SEMA5B: variants seen among roughly 807,000 people sequenced by gnomAD.
SEMA5B encodes semaphorin 5B, also known as semaphorin-5B.
SEMA5B carries 66 observed loss-of-function variants against 135.0 expected under a neutral mutation model. The observed-to-expected ratio is 0.49, with a 90% CI of 0.40 to 0.60. The LOEUF (loss-of-function observed/expected upper bound fraction) is 0.60, where lower values mean the gene tolerates loss of function less well. SEMA5B is among the 20% of genes least tolerant of loss of function. The probability of loss-of-function intolerance (pLI) is 0.00; values close to 1 mark genes in which losing one functional copy is unlikely to be tolerated. For synonymous variants in SEMA5B, 690 were observed against 639.5 expected (o/e 1.08, Z -1.19); for missense variants, 1,501 against 1,566.3 (o/e 0.96, Z 0.70).
chr3:122,961,169 A>G lies in SEMA5B; in HGVS notation c.95T>C (p.Val32Ala), dbSNP rs200917583. ...PAQQLRCGWT[V>A]GGWLLSLVRG... The stretch of plus-strand genomic sequence containing the variant: ...GACCAGTGAGAGAAGCCAGCCCCCT[A>G]CTGTCCATCCACACCTTAGCTGTTG... The change falls in exon 2 of 23, where the codon GTA (valine) becomes GCA (alanine). Residue 32 changes from valine to alanine, a missense_variant. Physicochemically the swap from Val to Ala is moderately conservative, Grantham distance 64. Transcript: ENST00000357599. 5 of 1,613,206 alleles carry G rather than the reference A, an allele frequency of 3.1e-6. No homozygotes were observed. The highest frequency in any genetic ancestry group is 1.7e-5 in the Admixed American group (1 of 59,946).
intron 1 of SEMA5B, among the ~76,000 whole-genome samples, chr3:122,974,879 C>G (rs577217601): frequency 6.6e-6 from 1 of 152,164 alleles, no homozygotes; most frequent in Non-Finnish European, 1.5e-5. Flanking sequence ...AACAGGCTTA[C>G]TATTTGCAGG....
rs774257191 is a variant in SEMA5B at position 122,910,176 on chromosome 3, G to C, written c.3423C>G (p.Ala1141=). 7.4e-6 allele frequency: 12 copies of C among 1,614,124 alleles called. No homozygotes were observed. Among genetic ancestry groups the C allele is most frequent in the Non-Finnish European group, 9.3e-6 (11 of 1,180,040 alleles). Residue 1141 remains alanine (A), a synonymous_variant, in exon 23 of 23, where the codon GCC becomes GCG. Transcript: ENST00000357599. The stretch of plus-strand genomic sequence containing the variant: ...TGGGGAAGCACCGTTGTCCAGGTGA[G>C]GCCTCGGGCCGGAAGCTGTGTTTGT... ...PLNKHSFRPE[A]SPGQRCFPNS is the part of the protein sequence containing the mutation.
intron 1 of SEMA5B, among the ~76,000 whole-genome samples, chr3:122,997,521 C>CCCCA (rs1942052032): frequency 6.6e-6 from 1 of 151,766 alleles, no homozygotes; most frequent in Admixed American, 6.6e-5. Flanking sequence ...AGGCCTCTCC[C>CCCCA]CCCCCCGTCT....
At chr3:122,993,796 C>A (rs905391908) in intron 1 of SEMA5B, among the ~76,000 whole-genome samples, 3 of 151,974 alleles carry the variant, frequency 2.0e-5, no homozygotes, top group East Asian at 1.9e-4. Context: ...CTGCCTCCCC[C>A]ACAGCTGCTG....
At chr3:122,967,785 G>A (rs771162797) in intron 1 of SEMA5B, among the ~76,000 whole-genome samples, 1 of 152,268 alleles carries the variant, frequency 6.6e-6, no homozygotes, top group South Asian at 2.1e-4. Flanking sequence ...GCTTCTTCCA[G>A]GGAAACCTGG....
chr3:122,995,354 G>T (rs904331153), intron 1 of SEMA5B, among the ~76,000 whole-genome samples: 2 of 152,130 alleles, frequency 1.3e-5, no homozygotes, highest in African/African-American at 2.4e-5. Context: ...AGACCAAAAG[G>T]TAAGAAAAGG....
chr3:122,952,505 T>TAAC (rs758463467), intron 2 of SEMA5B, among the ~76,000 whole-genome samples: 3 of 152,206 alleles, frequency 2.0e-5, no homozygotes, highest in Non-Finnish European at 4.4e-5. Context: ...GGGATGATAA[T>TAAC]AACAACAACA....
At chr3:122,912,721 G>A (rs1441151733) in intron 18 of SEMA5B, 122 bp downstream of exon 18, 1 of 978,020 alleles carries the variant, frequency 1.0e-6, no homozygotes, top group Non-Finnish European at 1.5e-6. Flanking sequence ...CCCTAGCACA[G>A]AGTTGGCAGG....
At chr3:122,939,388 G>C in intron 5 of SEMA5B, 37 bp downstream of exon 5, 1 of 1,554,232 alleles carries the variant, frequency 6.4e-7, no homozygotes, top group Non-Finnish European at 8.9e-7. Flanking sequence ...TGGAATAGGG[G>C]AAATTATAGG....
At chr3:122,994,949 G>A (rs1195410091) in intron 1 of SEMA5B, among the ~76,000 whole-genome samples, 2 of 152,144 alleles carry the variant, frequency 1.3e-5, no homozygotes, top group Non-Finnish European at 2.9e-5. Flanking sequence ...GTGGGAAGGA[G>A]GCCTCCAGGT....
In SEMA5B at chr3:122,922,014, C is replaced by G. The variant is rs1426675792; in HGVS notation, c.1589G>C (p.Ser530Thr). ...LPPGRREPLR[S>T]LRILHSARAL... ...GCGGGCGCTGTGCAGGATGCGCAGG[C>G]TGCGCAGGGGCTCGCGGCGCCCGGG... The change falls in exon 12 of 23, where the codon AGC (serine) becomes ACC (threonine). Residue 530 changes from serine to threonine, a missense_variant. This residue lies in a region of SEMA5B where 927 missense variants were observed against 881.6 expected (regional missense o/e 1.05). Coordinates refer to ENST00000357599, the MANE Select transcript of SEMA5B (RefSeq NM_001031702.4). The G allele has an allele frequency of 1.3e-6, 2 of 1,523,726 alleles. No homozygotes were observed. The highest frequency in any genetic ancestry group is 2.4e-5 in the East Asian group (1 of 40,862). 94.4% of individuals were successfully genotyped at this position (1,523,726 alleles called of 1,614,324 possible).
intron 1 of SEMA5B, among the ~76,000 whole-genome samples, chr3:122,984,026 T>C (rs1257123927): frequency 6.6e-6 from 1 of 152,192 alleles, no homozygotes; most frequent in Non-Finnish European, 1.5e-5. Flanking sequence ...TCATCATTGG[T>C]CCTACGTGCA....
At position 122,921,995 on chromosome 3, in the gene SEMA5B, G is replaced by T; in HGVS notation, c.1608C>A (p.Ser536Arg). ...EPLRSLRILH[S>R]ARALFVGLRD... ...TCAGCCCCACGAAGAGCGCGCGGGC[G>T]CTGTGCAGGATGCGCAGGCTGCGCA... is the stretch of plus-strand genomic sequence containing the variant. The change falls in exon 12 of 23, where the codon AGC becomes AGA. Residue 536 changes from serine (S) to arginine (R), a missense_variant. Around this residue, in one of 2 missense-constraint regions of SEMA5B, gnomAD observed 927 missense variants for 881.6 expected, o/e 1.05. Transcript: ENST00000357599. The T allele has an allele frequency of 6.5e-7, 1 of 1,534,676 alleles. No homozygotes were observed. Among genetic ancestry groups the T allele is most frequent in the East Asian group, 2.5e-5 (1 of 40,752 alleles).
chr3:123,021,620 A>G (rs963317741), intron 1 of SEMA5B, among the ~76,000 whole-genome samples: 4 of 152,084 alleles, frequency 2.6e-5, no homozygotes, highest in Non-Finnish European at 1.5e-5. Context: ...GCTCAGGTAG[A>G]CCAGTGGGAC....
At chr3:122,912,433 T>C in intron 18 of SEMA5B, 91 bp from the exon 19 acceptor site, 1 of 1,207,446 alleles carries the variant, frequency 8.3e-7, no homozygotes, top group Non-Finnish European at 1.1e-6. Flanking sequence ...CACTCTGCCC[T>C]GAGCCACAGT....
At position 122,923,786 on chromosome 3, in the gene SEMA5B, C is replaced by A. The variant is rs367973107; in HGVS notation, c.1137-34G>T. 230 of 1,612,896 alleles carry A rather than the reference C, an allele frequency of 1.4e-4. No individual in the cohort carries two copies. In the African/African-American group the frequency reaches 2.2e-3, roughly 15 times the overall value. On this transcript the variant is annotated intron_variant, in intron 9 of 22. Coordinates refer to ENST00000357599, the MANE Select transcript of SEMA5B (RefSeq NM_001031702.4). ...CAAGAAGTGGTGGCACAGGGCCCTCCCTGTAAGACCTGGCACCCTCCTCAT... is the reference window on the plus strand; with the variant it reads ...CAAGAAGTGGTGGCACAGGGCCCTCACTGTAAGACCTGGCACCCTCCTCAT...
At chr3:122,976,173 A>G in intron 1 of SEMA5B, 9 of 1,522,298 alleles carry the variant, frequency 5.9e-6, no homozygotes, top group Non-Finnish European at 7.0e-6. Flanking sequence ...GGCTGTGCAG[A>G]TGCAAGAAGT....
intron 4 of SEMA5B, among the ~76,000 whole-genome samples, chr3:122,939,882 C>T (rs966287351): frequency 1.2e-4 from 18 of 152,198 alleles, no homozygotes; most frequent in African/African-American, 4.3e-4. Context: ...GAGATGCAGA[C>T]AGCCAGCTTC....
At chr3:122,950,801 A>T (rs368902784) in intron 2 of SEMA5B, among the ~76,000 whole-genome samples, 2 of 152,388 alleles carry the variant, frequency 1.3e-5, no homozygotes. Flanking sequence ...TCATTGTGCC[A>T]TCCTTTGAAA....
Sources: allele counts gnomAD v4.1 joint callset (sites outside exome capture counted in the v4.1 genomes callset), GRCh38; gene constraint gnomAD v4.1.1; regional missense constraint gnomAD v4.1.1; transcripts MANE v1.5; gene names NCBI Gene and HGNC (gene_info 2026-07-23, HGNC 2026-07-21).